Variants in TIAM2 observed in about 807,000 individuals in gnomAD.
TIAM2 encodes the protein rho guanine nucleotide exchange factor TIAM2.
TIAM2 carries 80 observed loss-of-function variants against 152.9 expected under a neutral mutation model. The observed-to-expected ratio is 0.52, with a 90% CI of 0.44 to 0.63. TIAM2 has a LOEUF of 0.63. Ranked by LOEUF, TIAM2 falls within the 30% of genes least tolerant of loss-of-function variation. The pLI is 0.00. For missense variants in TIAM2, 1,965 were observed against 2,120.1 expected, an observed-to-expected ratio of 0.93 and a Z score of 1.44; for synonymous variants, 804 against 838.0, an observed-to-expected ratio of 0.96 and a Z score of 0.70.
chr6:155,194,750 T>C (rs571976041), intron 14 of TIAM2, among the ~76,000 whole-genome samples: 1 of 152,312 alleles, frequency 6.6e-6, no homozygotes, highest in East Asian at 1.9e-4. Flanking sequence ...CTTTAAACAT[T>C]TCAACATTGA....
chr6:155,010,176 G>C (rs1562288884), intron 1 of TIAM2, among the ~76,000 whole-genome samples: 1 of 152,294 alleles, frequency 6.6e-6, no homozygotes, highest in East Asian at 1.9e-4. Context: ...GTTAGAGAGT[G>C]GAAAGAATCT....
chr6:155,071,590 GT>G (rs1366094239), intron 1 of TIAM2, among the ~76,000 whole-genome samples: 1 of 152,040 alleles, frequency 6.6e-6, no homozygotes, highest in Non-Finnish European at 1.5e-5. Flanking sequence ...TCTGTGCAAG[GT>G]GCAGTGATAC....
At chr6:155,185,123 CTTTTTTTTTTTT>C (rs11404301) in intron 14 of TIAM2, among the ~76,000 whole-genome samples, 30 of 92,406 alleles carry the variant, frequency 3.2e-4, no homozygotes, top group African/African-American at 1.3e-3. Flanking sequence ...GCAAATTTAC[CTTTTTTTTTTTT>C]TTTTTTTTTT....
rs540191091 is a variant in TIAM2 at position 155,127,342 on chromosome 6, C to T, written c.-117-148C>T. On this transcript the variant is annotated intron_variant, in intron 2 of 26. Coordinates refer to ENST00000682666, the MANE Select transcript of TIAM2 (RefSeq NM_012454.4). ...CTTCAAATGACCCTGATGAATCACA[C>T]GGTTCACAGACGTTTCATTTATTAC... The T allele has an allele frequency of 2.5e-3, 764 of 299,968 alleles. 4 individuals carry two copies. The highest frequency in any genetic ancestry group is 3.8e-3 in the Non-Finnish European group (589 of 153,950). 18.6% of individuals were successfully genotyped at this position (299,968 alleles called of 1,614,324 possible). A position where few individuals can be genotyped will look rare whatever the true frequency, so the allele number is the denominator to read the frequency against.
At chr6:155,244,294 C>T (rs528320373) in intron 17 of TIAM2, among the ~76,000 whole-genome samples, 7 of 152,278 alleles carry the variant, frequency 4.6e-5, no homozygotes, top group African/African-American at 1.7e-4. Context: ...GGCAGAGGGA[C>T]GGTTATGGTC....
At chr6:155,164,968 T>C (rs1194328555) in intron 8 of TIAM2, among the ~76,000 whole-genome samples, 1 of 152,044 alleles carries the variant, frequency 6.6e-6, no homozygotes, top group Non-Finnish European at 1.5e-5. Flanking sequence ...CCCCATCAGG[T>C]TTTTTGAAGT....
chr6:155,130,234 C>T lies in TIAM2; in HGVS notation c.1011C>T (p.Ser337=), dbSNP rs201846115. The T allele has an allele frequency of 1.2e-4, 193 of 1,614,138 alleles. No homozygotes were observed. The Middle Eastern group carries it at 1.3e-3, about 11-fold the overall frequency. Residue 337 remains serine (S), a synonymous_variant, in exon 4 of 27, where the codon TCC becomes TCT. Transcript: ENST00000682666. ...ASLSNRVSFA[S]DIDVPSRVAH... is the part of the protein sequence containing the mutation. Reference sequence around the variant, plus strand: ...TGAGCAACCGTGTCTCTTTTGCTTCCGACATTGATGTGCCCTCCAGAGTGG... The same window carrying T: ...TGAGCAACCGTGTCTCTTTTGCTTCTGACATTGATGTGCCCTCCAGAGTGG...
chr6:155,125,369 A>G (rs555149613), intron 2 of TIAM2, among the ~76,000 whole-genome samples: 43 of 152,336 alleles, frequency 2.8e-4, no homozygotes, highest in African/African-American at 9.9e-4. Flanking sequence ...CATTAGAGAA[A>G]TGCAAATGAA....
chr6:155,119,892 A>G (rs1371064173), intron 2 of TIAM2, among the ~76,000 whole-genome samples: 1 of 152,084 alleles, frequency 6.6e-6, no homozygotes, highest in Non-Finnish European at 1.5e-5. Context: ...TCACTCGTCT[A>G]TTTTCCGTTC....
intron 1 of TIAM2, among the ~76,000 whole-genome samples, chr6:155,036,903 C>G (rs151081635): frequency 0.04 from 6,023 of 152,202 alleles, 411 homozygotes; most frequent in African/African-American, 0.14. Context: ...CAGGCATGAG[C>G]CACCGCGCCT....
At chr6:155,125,923 A>C (rs1779283991) in intron 2 of TIAM2, among the ~76,000 whole-genome samples, 1 of 152,232 alleles carries the variant, frequency 6.6e-6, no homozygotes, top group Non-Finnish European at 1.5e-5. Context: ...TTTTCTAAAA[A>C]TAAAATAAAA....
At chr6:155,007,979 A>C (rs555086589) in intron 1 of TIAM2, among the ~76,000 whole-genome samples, 70 of 152,306 alleles carry the variant, frequency 4.6e-4, no homozygotes, top group African/African-American at 1.6e-3. Flanking sequence ...TAAGGCGTGG[A>C]GTGTACAGAG....
chr6:155,096,595 G>A (rs1281654937), intron 2 of TIAM2, among the ~76,000 whole-genome samples: 1 of 151,954 alleles, frequency 6.6e-6, no homozygotes, highest in Non-Finnish European at 1.5e-5. Context: ...CCACATGTAA[G>A]TGAGAACATG....
At chr6:155,084,177 TCTTA>T (rs1438450857) in intron 1 of TIAM2, among the ~76,000 whole-genome samples, 2 of 151,982 alleles carry the variant, frequency 1.3e-5, no homozygotes, top group African/African-American at 4.8e-5. Flanking sequence ...TGTATTTGAG[TCTTA>T]CTTGAAGACA....
chr6:155,119,411 C>T (rs1216437521), intron 2 of TIAM2, among the ~76,000 whole-genome samples: 1 of 152,060 alleles, frequency 6.6e-6, no homozygotes, highest in African/African-American at 2.4e-5. Flanking sequence ...GCAATCTCCA[C>T]TCACTGTAAC....
At chr6:155,111,609 G>A (rs913694896) in intron 2 of TIAM2, among the ~76,000 whole-genome samples, 1 of 152,162 alleles carries the variant, frequency 6.6e-6, no homozygotes, top group Non-Finnish European at 1.5e-5. Flanking sequence ...AAACGTTTCT[G>A]AAGTTTCTGT....
At chr6:155,063,773 C>T (rs1378650388) in intron 1 of TIAM2, among the ~76,000 whole-genome samples, 1 of 106,286 alleles carries the variant, frequency 9.4e-6, no homozygotes, top group Non-Finnish European at 1.7e-5. Flanking sequence ...CAGAGTGAGA[C>T]TCTGTCTCAA....
At chr6:155,204,513 T>C (rs1308372208) in intron 14 of TIAM2, among the ~76,000 whole-genome samples, 1 of 152,216 alleles carries the variant, frequency 6.6e-6, no homozygotes. Flanking sequence ...CGTTTATTTT[T>C]CTTTTTGTCT....
intron 18 of TIAM2, among the ~76,000 whole-genome samples, chr6:155,245,329 A>G (rs1249636036): frequency 6.6e-6 from 1 of 152,148 alleles, no homozygotes; most frequent in African/African-American, 2.4e-5. Context: ...CCTCTCTCAG[A>G]TTGTTTATAT....
Sources: allele counts gnomAD v4.1 joint callset (sites outside exome capture counted in the v4.1 genomes callset), GRCh38; gene constraint gnomAD v4.1.1; transcripts MANE v1.5; gene names NCBI Gene and HGNC (gene_info 2026-07-23, HGNC 2026-07-21).